ADGRA2: variants seen among roughly 807,000 people sequenced by gnomAD.
The protein encoded by ADGRA2 is G-protein coupled receptor 124.
A neutral mutation model predicts 98.7 loss-of-function variants in ADGRA2; 61 were observed. The ratio of observed to expected loss-of-function variants is 0.62; its 90% CI spans 0.50 to 0.76. The LOEUF (loss-of-function observed/expected upper bound fraction) is 0.76. Ranked by LOEUF, ADGRA2 falls within the 30% of genes least tolerant of loss-of-function variation. The pLI is 0.00. For missense variants in ADGRA2, 1,712 were observed against 1,860.0 expected (o/e 0.92, Z 1.46); for synonymous variants, 858 against 831.5 (o/e 1.03, Z -0.55).
chr8:37,839,356 C>T (rs6998793), intron 15 of ADGRA2, 143 bp from the exon 16 acceptor site: 586,023 of 1,447,684 alleles, frequency 0.4, 122,514 homozygotes, highest in East Asian at 0.71. Flanking sequence ...TAAGGACTCC[C>T]TACCCTATGG....
chr8:37,841,331 C>T lies in ADGRA2; in HGVS notation c.2993C>T (p.Ala998Val), dbSNP rs942415743. Residue 998 changes from alanine (A) to valine (V), a missense_variant, in exon 19 of 19, where the codon GCG becomes GTG. By Grantham distance (64) the Ala-to-Val change is moderately conservative. Coordinates refer to ENST00000412232, the MANE Select transcript of ADGRA2 (RefSeq NM_032777.10). This position sits in a 1 kb window ranked among gnomAD's most constrained non-coding sequence, Gnocchi z 5.0. ...DSGSLLATGS[A>V]RVGTPGPPED... ...GGTTCCCTTCTTGCTACTGGGAGCG[C>T]GCGAGTGGGGACGCCCGGGCCCCCG... The T allele has an allele frequency of 3.7e-6, 6 of 1,606,148 alleles. No homozygotes were observed. The highest frequency in any genetic ancestry group is 5.1e-6 in the Non-Finnish European group (6 of 1,176,684).
intron 1 of ADGRA2, among the ~76,000 whole-genome samples, chr8:37,804,371 C>A (rs1585964895): frequency 6.6e-6 from 1 of 152,172 alleles, no homozygotes; most frequent in Admixed American, 6.5e-5. Context: ...AGTGACACTG[C>A]CCCAGGCAGC....
In ADGRA2 at chr8:37,844,489, A is replaced by G. The variant is rs1399389271; in HGVS notation, c.*2134A>G. 5 of 1,611,910 alleles carry G rather than the reference A, an allele frequency of 3.1e-6. No individual in the cohort carries two copies. Among genetic ancestry groups the G allele is most frequent in the Non-Finnish European group, 3.4e-6 (4 of 1,179,404 alleles). On this transcript the variant is annotated 3_prime_UTR_variant, in exon 19 of 19. Transcript: ENST00000412232. ...GATGAAGTGCTCCCAGTGGATATCC[A>G]TCAGGGAGGGTTAGGGACACTCGTG... is the stretch of plus-strand genomic sequence containing the variant.
At chr8:37,812,158 GTTGT>G (rs1563340234) in intron 1 of ADGRA2, among the ~76,000 whole-genome samples, 36 of 133,364 alleles carry the variant, frequency 2.7e-4, no homozygotes, top group Non-Finnish European at 3.7e-4. Flanking sequence ...CAATGGTGTT[GTTGT>G]TGTTGTTGTT....
intron 1 of ADGRA2, among the ~76,000 whole-genome samples, chr8:37,811,361 G>A (rs538659602): frequency 1.3e-5 from 2 of 150,548 alleles, no homozygotes; most frequent in Admixed American, 6.6e-5. Flanking sequence ...TAGTAGAGAT[G>A]GAGTTTCACC....
At position 37,829,509 on chromosome 8, in the gene ADGRA2, C is replaced by T; in HGVS notation, c.504C>T (p.Phe168=). 1 of 1,613,508 alleles carries T rather than the reference C, an allele frequency of 6.2e-7. No individual in the cohort carries two copies. The highest frequency in any genetic ancestry group is 8.5e-7 in the Non-Finnish European group (1 of 1,179,432). ...LLRLNISGNI[F]SSLQPGVFDE... is the part of the protein sequence containing the mutation. ...GCAGAAACATATCTGGAAACATCTT[C>T]TCCAGTCTGCAACCTGGGGTCTTTG... is the stretch of plus-strand genomic sequence containing the variant. Residue 168 remains phenylalanine, a synonymous_variant, in exon 5 of 19, where the codon TTC becomes TTT. Coordinates refer to ENST00000412232, the MANE Select transcript of ADGRA2 (RefSeq NM_032777.10).
intron 5 of ADGRA2, 113 bp from the exon 6 acceptor site, chr8:37,829,738 C>T: frequency 1.8e-6 from 2 of 1,120,618 alleles, no homozygotes; most frequent in East Asian, 4.7e-5. Context: ...TGCACATAGA[C>T]CCGATTTTGC....
At chr8:37,828,288 G>A (rs1053490021) in intron 2 of ADGRA2, among the ~76,000 whole-genome samples, 12 of 152,082 alleles carry the variant, frequency 7.9e-5, no homozygotes, top group African/African-American at 2.9e-4. Context: ...CAACCCCAGC[G>A]ACCTGCAGGG....
chr8:37,798,828 G>T (rs1212615436), intron 1 of ADGRA2, among the ~76,000 whole-genome samples: 1 of 152,192 alleles, frequency 6.6e-6, no homozygotes, highest in Non-Finnish European at 1.5e-5. Context: ...CCCCGGCCCG[G>T]GTGTGTGTGT....
In ADGRA2 at chr8:37,829,055, C is replaced by G. The variant is rs185859866; in HGVS notation, c.410+96C>G. Reference sequence around the variant, plus strand: ...GCCCACCCCCTTCCTCTCACCCCCCCACACCTGCCCCTCCTTTCCGCTTGG... The same window carrying G: ...GCCCACCCCCTTCCTCTCACCCCCCGACACCTGCCCCTCCTTTCCGCTTGG... On this transcript the variant is annotated intron_variant, in intron 3 of 18. Coordinates refer to ENST00000412232, the MANE Select transcript of ADGRA2 (RefSeq NM_032777.10). 4.0e-4 allele frequency: 362 copies of G among 899,002 alleles called. 6 individuals are homozygous for G. Among genetic ancestry groups the G allele is most frequent in the South Asian group, 3.7e-3 (222 of 59,602 alleles). 55.7% of individuals were successfully genotyped at this position (899,002 alleles called of 1,614,324 possible).
At chr8:37,839,236 A>G (rs983262193) in intron 15 of ADGRA2, among the ~76,000 whole-genome samples, 153 bp downstream of exon 15, 1 of 152,180 alleles carries the variant, frequency 6.6e-6, no homozygotes, top group African/African-American at 2.4e-5. Context: ...ACCTCCCAGC[A>G]TGGGTGCAGG....
intron 2 of ADGRA2, 148 bp downstream of exon 2, chr8:37,815,115 C>A: frequency 1.6e-6 from 1 of 641,336 alleles, no homozygotes; most frequent in Non-Finnish European, 2.8e-6. Flanking sequence ...GGGACCCTGC[C>A]CAGGGCTTGA....
Position 37,841,110 on chromosome 8 carries a change from C to T in ADGRA2, c.2772C>T (p.Ser924=), listed in dbSNP as rs141716507. 70 of 1,604,818 alleles carry T rather than the reference C, an allele frequency of 4.4e-5. No individual in the cohort carries two copies. In the Middle Eastern group the frequency reaches 5.0e-4, roughly 11 times the overall value. Residue 924 remains serine, a synonymous_variant, in exon 19 of 19, where the codon AGC becomes AGT. Coordinates refer to ENST00000412232, the MANE Select transcript of ADGRA2 (RefSeq NM_032777.10). The surrounding 1 kb of genome is among the most constrained non-coding windows in gnomAD (Gnocchi z 5.0). The part of the protein sequence containing the change: ...SPYCWLVWRP[S]LGAFYIPVAL... ...GCTGCTGGCTGGTGTGGCGTCCAAG[C>T]CTTGGCGCCTTCTACATCCCTGTGG...
chr8:37,829,149 C>A (rs1241914155), intron 3 of ADGRA2, 112 bp from the exon 4 acceptor site: 1 of 925,686 alleles, frequency 1.1e-6, no homozygotes, highest in African/African-American at 1.6e-5. Context: ...ACCTCATCTC[C>A]TTTTTCATCC....
In ADGRA2 at chr8:37,830,089, T is replaced by TC; in HGVS notation, c.718+79dup. 1.0e-6 allele frequency: 1 copy of TC among 1,001,302 alleles called. No homozygotes were observed. Among genetic ancestry groups the TC allele is most frequent in the East Asian group, 2.7e-5 (1 of 37,086 alleles). The allele number at this position is 1,001,302 out of a possible 1,614,324, so 62.0% of individuals were successfully genotyped here. On this transcript the variant is annotated intron_variant, in intron 6 of 18. Transcript: ENST00000412232. This position sits in a 1 kb window ranked among gnomAD's most constrained non-coding sequence, Gnocchi z 4.8. ...CCAACCCAGGGCCCAGACACGAGCC[T>TC]CCCCTCAGACCCACAGGTTTTTACC...
Position 37,830,819 on chromosome 8 carries a change from C to T in ADGRA2, c.828C>T (p.Asp276=), listed in dbSNP as rs755017554. Residue 276 remains aspartate (D), a synonymous_variant, in exon 7 of 19, where the codon GAC becomes GAT. Transcript: ENST00000412232. This position sits in a 1 kb window ranked among gnomAD's most constrained non-coding sequence, Gnocchi z 4.8. The part of the protein sequence containing the change: ...FQCSASYLGN[D]TRIRWYHNRA... ...GCTCTGCCAGCTACCTGGGCAACGA[C>T]ACCCGCATCCGCTGGTACCACAACC... The T allele has an allele frequency of 1.7e-5, 27 of 1,590,136 alleles. No homozygotes were observed. Among genetic ancestry groups the T allele is most frequent in the Non-Finnish European group, 2.1e-5 (25 of 1,169,084 alleles).
chr8:37,843,575 G>C lies in ADGRA2; in HGVS notation c.*1220G>C, dbSNP rs1196019708. 1 of 152,170 alleles carries C rather than the reference G, an allele frequency of 6.6e-6. No individual in the cohort carries two copies. Among genetic ancestry groups the C allele is most frequent in the Non-Finnish European group, 1.5e-5 (1 of 68,046 alleles). 9.4% of individuals were successfully genotyped at this position (152,170 alleles called of 1,614,324 possible). A position where few individuals can be genotyped will look rare whatever the true frequency, so the allele number is the denominator to read the frequency against. ...GGAAACCGAGGGAACCCTGGGTCTT[G>C]GGAAGAACAACAGGAAACCAAGGTC... On this transcript the variant is annotated 3_prime_UTR_variant, in exon 19 of 19. Transcript: ENST00000412232.
Position 37,835,675 on chromosome 8 carries a change from G to T in ADGRA2, c.1955G>T (p.Arg652Leu), listed in dbSNP as rs776668118. The change falls in exon 13 of 19, where the codon CGC (arginine) becomes CTC (leucine). Residue 652 changes from arginine to leucine, a missense_variant. Transcript: ENST00000412232. ...TLQLLVFRNG[R>L]LFHSHSNTSR... ...CAACTGCTCGTCTTCCGAAATGGCC[G>T]CCTCTTCCACAGCCACAGCAACACC... is the stretch of plus-strand genomic sequence containing the variant. 19 of 1,613,712 alleles carry T rather than the reference G, an allele frequency of 1.2e-5. No homozygotes were observed. Among genetic ancestry groups the T allele is most frequent in the Non-Finnish European group, 2.5e-6 (3 of 1,179,916 alleles).
intron 2 of ADGRA2, among the ~76,000 whole-genome samples, chr8:37,826,311 G>A (rs1323022331): frequency 1.3e-5 from 2 of 152,198 alleles, no homozygotes; most frequent in Non-Finnish European, 2.9e-5. Flanking sequence ...GGCAGGCAGT[G>A]AGGATGGGGT....
Sources: allele counts gnomAD v4.1 joint callset (sites outside exome capture counted in the v4.1 genomes callset), GRCh38; gene constraint gnomAD v4.1.1; non-coding constraint Gnocchi (gnomAD v3.1); transcripts MANE v1.5; gene names NCBI Gene and HGNC (gene_info 2026-07-23, HGNC 2026-07-21).